Variants in AP1G1 observed in about 807,000 individuals in gnomAD.
AP1G1 encodes adaptor related protein complex 1 subunit gamma 1.
AP1G1 carries 7 observed loss-of-function variants against 108.3 expected under a neutral mutation model. That is an observed-to-expected ratio of 0.06 (90% CI 0.04 to 0.12). The LOEUF is 0.12. AP1G1 is among the 10% of genes least tolerant of loss of function. The probability of loss-of-function intolerance (pLI) is 1.00; values close to 1 mark genes in which losing one functional copy is unlikely to be tolerated. For missense variants in AP1G1, 756 were observed against 1,010.7 expected (o/e 0.75, Z 3.42); for synonymous variants, 379 against 353.5 (o/e 1.07, Z -0.81).
intron 2 of AP1G1, among the ~76,000 whole-genome samples, chr16:71,782,824 G>T (rs868278452): frequency 1.3e-5 from 2 of 151,946 alleles, no homozygotes. Context: ...ATCTCTTTTG[G>T]GGGTATGACT....
chr16:71,744,253 A>G (rs2030040572), intron 19 of AP1G1, among the ~76,000 whole-genome samples: 1 of 152,246 alleles, frequency 6.6e-6, no homozygotes, highest in Admixed American at 6.5e-5. Context: ...CAAAATAAAA[A>G]TAAAAGTTGT....
At chr16:71,770,712 T>C (rs571866584) in intron 5 of AP1G1, among the ~76,000 whole-genome samples, 158 of 152,336 alleles carry the variant, frequency 1.0e-3, no homozygotes, top group African/African-American at 3.3e-3. Context: ...TCAAATGATC[T>C]GCCCACCTTG....
intron 1 of AP1G1, among the ~76,000 whole-genome samples, chr16:71,797,790 C>A (rs146829902): frequency 3.3e-5 from 5 of 151,840 alleles, no homozygotes; most frequent in Middle Eastern, 6.8e-3. Flanking sequence ...CAGAGCAAGA[C>A]GCAGTCTCAA....
Position 71,761,129 on chromosome 16 carries a change from C to T in AP1G1, c.974+383G>A, listed in dbSNP as rs185539262. On this transcript the variant is annotated intron_variant, in intron 10 of 22. Transcript: ENST00000299980. ...CAAAATATTTTTTTCATACTAGCTCCCAAGTTTCATGTAAATAAATCAATT... is the reference window on the plus strand; with the variant it reads ...CAAAATATTTTTTTCATACTAGCTCTCAAGTTTCATGTAAATAAATCAATT... Among the ~76,000 whole-genome samples, 21 of 152,242 alleles carry T rather than the reference C, an allele frequency of 1.4e-4. No individual in the cohort carries two copies. The South Asian group carries it at 3.3e-3, about 24-fold the overall frequency.
rs1329615394 is a variant in AP1G1 at position 71,789,465 on chromosome 16, G to A, written c.15C>T (p.Ile5=). 5 of 1,614,154 alleles carry A rather than the reference G, an allele frequency of 3.1e-6. No individual in the cohort carries two copies. Among genetic ancestry groups the A allele is most frequent in the East Asian group, 2.2e-5 (1 of 44,874 alleles). Residue 5 remains isoleucine, a synonymous_variant, in exon 2 of 23, where the codon ATC becomes ATT. Transcript: ENST00000299980. ...TGGTCCGGATCAGCTCCCGCAATCT[G>A]ATGGGGGCTGGCATCCTCTGGATAT... MPAP[I]RLRELIRTIR...
intron 1 of AP1G1, among the ~76,000 whole-genome samples, chr16:71,797,547 T>C (rs1567664367): frequency 2.0e-5 from 3 of 152,086 alleles, no homozygotes; most frequent in Non-Finnish European, 4.4e-5. Flanking sequence ...ACCCCTGTAA[T>C]CCCAGCACTT....
In AP1G1 at chr16:71,750,306, T is replaced by G. The variant is rs749084937; in HGVS notation, c.1311A>C (p.Ala437=). 1.2e-6 allele frequency: 2 copies of G among 1,613,982 alleles called. No homozygotes were observed. Among genetic ancestry groups the G allele is most frequent in the Non-Finnish European group, 1.7e-6 (2 of 1,179,994 alleles). ...TTATTAACTGGATTAAATTGGGGACTGCATCATCACGAACATAACTTCCTG... is the reference window on the plus strand; with the variant it reads ...TTATTAACTGGATTAAATTGGGGACGGCATCATCACGAACATAACTTCCTG... ...TTAGSYVRDD[A]VPNLIQLITN... Residue 437 remains alanine, a synonymous_variant, in exon 14 of 23, where the codon GCA becomes GCC. Coordinates refer to ENST00000299980, the MANE Select transcript of AP1G1 (RefSeq NM_001128.6).
intron 2 of AP1G1, among the ~76,000 whole-genome samples, chr16:71,784,890 C>T (rs1000823196): frequency 3.3e-5 from 5 of 150,362 alleles, no homozygotes; most frequent in Admixed American, 6.7e-5. Context: ...AAACTTAAGA[C>T]TTTTAAAATA....
intron 1 of AP1G1, among the ~76,000 whole-genome samples, chr16:71,807,213 C>G (rs1222611917): frequency 6.6e-6 from 1 of 152,132 alleles, no homozygotes; most frequent in Non-Finnish European, 1.5e-5. Context: ...ATTACCTGAG[C>G]TCAGGAGTTC....
chr16:71,767,186 TA>T (rs1445983372), intron 6 of AP1G1, among the ~76,000 whole-genome samples: 1 of 152,128 alleles, frequency 6.6e-6, no homozygotes, highest in African/African-American at 2.4e-5. Context: ...GCACATCACA[TA>T]ACATTACCCT....
chr16:71,745,841 C>A (rs961789787), intron 17 of AP1G1, among the ~76,000 whole-genome samples: 1 of 111,494 alleles, frequency 9.0e-6, no homozygotes, highest in African/African-American at 3.3e-5. Context: ...AGCTAAATCC[C>A]AAAGCATATA....
intron 9 of AP1G1, among the ~76,000 whole-genome samples, chr16:71,762,174 C>A (rs1044025689): frequency 6.6e-6 from 1 of 151,986 alleles, no homozygotes; most frequent in East Asian, 1.9e-4. Context: ...TGGAATGTCA[C>A]GCAGCCATTA....
chr16:71,772,199 C>G (rs2031601006), intron 4 of AP1G1, among the ~76,000 whole-genome samples: 1 of 151,064 alleles, frequency 6.6e-6, no homozygotes, highest in Non-Finnish European at 1.5e-5. Context: ...GGCGCAATGT[C>G]GGCTCACTGC....
intron 2 of AP1G1, among the ~76,000 whole-genome samples, chr16:71,786,651 G>A (rs1223466949): frequency 6.6e-6 from 1 of 151,994 alleles, no homozygotes; most frequent in East Asian, 1.9e-4. Flanking sequence ...AGTAGAGAGG[G>A]GGTTCCACCA....
At chr16:71,767,440 G>A (rs1266207886) in intron 6 of AP1G1, among the ~76,000 whole-genome samples, 1 of 152,158 alleles carries the variant, frequency 6.6e-6, no homozygotes, top group Non-Finnish European at 1.5e-5. Flanking sequence ...ATCTCTAAGT[G>A]TGAACTGAAA....
chr16:71,773,245 G>A lies in AP1G1; in HGVS notation c.444C>T (p.Thr148=). The A allele has an allele frequency of 6.2e-7, 1 of 1,613,718 alleles. No homozygotes were observed. The highest frequency in any genetic ancestry group is 8.5e-7 in the Non-Finnish European group (1 of 1,179,966). The change falls in exon 4 of 23, where the codon ACC becomes ACT. Residue 148 remains threonine (T), a synonymous_variant. Transcript: ENST00000299980. Reference sequence around the variant, plus strand: ...CCTTTTTTCTTAAGTAAGAGTTGGAGGTTTTCAGGAGCTTCTCTACCTCTC... The same window carrying A: ...CCTTTTTTCTTAAGTAAGAGTTGGAAGTTTTCAGGAGCTTCTCTACCTCTC... The part of the protein sequence containing the change: ...LAGEVEKLLK[T]SNSYLRKKAA...
chr16:71,777,003 G>A (rs1385967700), intron 2 of AP1G1, among the ~76,000 whole-genome samples: 1 of 151,222 alleles, frequency 6.6e-6, no homozygotes, highest in Non-Finnish European at 1.5e-5. Flanking sequence ...CAGCTACTCG[G>A]GAGGCTGAGG....
rs189246975 is a variant in AP1G1, at chr16:71,800,584, G to A, written c.-4+8179C>T. On this transcript the variant is annotated intron_variant, in intron 1 of 22. Transcript: ENST00000299980. Reference sequence around the variant, plus strand: ...TGGGAGGCCAAGGTGGGCAGATCACGAGGTCAGGAGATGGAGACCATCCTG... The same window carrying A: ...TGGGAGGCCAAGGTGGGCAGATCACAAGGTCAGGAGATGGAGACCATCCTG... 5.5e-4 allele frequency among the ~76,000 whole-genome samples: 83 copies of A among 150,962 alleles called. 1 individual carries two copies. Among genetic ancestry groups the A allele is most frequent in the African/African-American group, 1.8e-3 (72 of 40,710 alleles).
At chr16:71,736,117 A>AAAAAAAAAAAAAAATATATAT (rs1555550846) in intron 21 of AP1G1, among the ~76,000 whole-genome samples, 2 of 71,622 alleles carry the variant, frequency 2.8e-5, no homozygotes, top group African/African-American at 1.2e-4. Flanking sequence ...AAAAAAAAAA[A>AAAAAAAAAAAAAAATATATAT]ATATATATAT....
Sources: gnomAD v4.1 joint callset for allele counts (sites outside exome capture counted in the v4.1 genomes callset) on GRCh38, gnomAD v4.1.1 for gene constraint, MANE v1.5 for transcripts, NCBI Gene and HGNC (gene_info 2026-07-23, HGNC 2026-07-21) for gene names.